Variants in NHSL3 observed in about 807,000 individuals in gnomAD.
The protein encoded by NHSL3 is NHS like 3.
the NHSL3 span, among the ~76,000 whole-genome samples, chr1:32,743,748 G>A: frequency 6.6e-6 from 1 of 152,204 alleles, no homozygotes; most frequent in African/African-American, 2.4e-5. Flanking sequence ...CAACAGCCTG[G>A]GTTTGGGTTC....
the NHSL3 span, among the ~76,000 whole-genome samples, chr1:32,742,393 T>TGAGGG: frequency 5.3e-4 from 80 of 152,270 alleles, no homozygotes; most frequent in African/African-American, 1.8e-3. Flanking sequence ...TGCCCCGCTG[T>TGAGGG]GAGGGGAGGG....
At chr1:32,769,931 G>A in the NHSL3 span, 6 of 1,607,638 alleles carry the variant, frequency 3.7e-6, no homozygotes, top group Non-Finnish European at 3.4e-6. Flanking sequence ...CCTGGTGCAC[G>A]GGATGCCGTA....
chr1:32,745,134 GA>G, the NHSL3 span, among the ~76,000 whole-genome samples: 14,902 of 136,372 alleles, frequency 0.11, 1,013 homozygotes, highest in Non-Finnish European at 0.15. Context: ...AAAAAAAAAA[GA>G]AAAAAAAAAG....
At chr1:32,744,464 C>T in the NHSL3 span, among the ~76,000 whole-genome samples, 4 of 152,112 alleles carry the variant, frequency 2.6e-5, no homozygotes, top group African/African-American at 7.2e-5. Context: ...TTTGACCAAA[C>T]GGATTTAAAC....
the NHSL3 span, chr1:32,768,023 C>T: frequency 6.2e-7 from 1 of 1,613,148 alleles, no homozygotes; most frequent in Non-Finnish European, 8.5e-7. Flanking sequence ...CTGTCAAGGT[C>T]AGGGGCCTAA....
the NHSL3 span, among the ~76,000 whole-genome samples, chr1:32,761,001 T>A: frequency 4.6e-5 from 7 of 152,184 alleles, no homozygotes; most frequent in Non-Finnish European, 8.8e-5. Flanking sequence ...AGCCCGCAGG[T>A]GTGCTTCCCG....
chr1:32,760,461 C>T, the NHSL3 span, among the ~76,000 whole-genome samples: 5 of 152,174 alleles, frequency 3.3e-5, no homozygotes, highest in Non-Finnish European at 7.4e-5. Flanking sequence ...TGAGTAGGGG[C>T]TACACACACC....
the NHSL3 span, chr1:32,741,994 G>A: frequency 3.3e-6 from 4 of 1,200,396 alleles, no homozygotes; most frequent in Admixed American, 4.4e-5. The surrounding 1 kb of genome is among the most constrained non-coding windows in gnomAD (Gnocchi z 4.3). Flanking sequence ...TGCGGCCGAG[G>A]AGCCGGGGAA....
the NHSL3 span, chr1:32,773,419 CCA>C: frequency 6.2e-6 from 1 of 161,522 alleles, no homozygotes; most frequent in Admixed American, 5.8e-5. Flanking sequence ...CCTGCCCAGT[CCA>C]GTTTACTCCT....
chr1:32,770,364 C>T, the NHSL3 span: 1 of 1,609,598 alleles, frequency 6.2e-7, no homozygotes, highest in Non-Finnish European at 8.5e-7. The surrounding 1 kb of genome is among the most constrained non-coding windows in gnomAD (Gnocchi z 8.3). Context: ...CGCTGGGGCG[C>T]TTCTCCTCCG....
At chr1:32,771,748 CAG>C in the NHSL3 span, 2 of 1,613,828 alleles carry the variant, frequency 1.2e-6, no homozygotes, top group Admixed American at 3.3e-5. Flanking sequence ...CAAGCTCCCT[CAG>C]AAGGAACCGG....
chr1:32,765,638 G>A, the NHSL3 span: 58 of 1,530,270 alleles, frequency 3.8e-5, no homozygotes, highest in Admixed American at 1.8e-4. Flanking sequence ...TCCTCTGTCT[G>A]GAGCCGGTGC....
At chr1:32,771,201 C>G in the NHSL3 span, 28 of 1,612,394 alleles carry the variant, frequency 1.7e-5, no homozygotes, top group Non-Finnish European at 2.4e-5. Context: ...CCCCACCTCC[C>G]TCCAAGCCCA....
the NHSL3 span, chr1:32,768,010 C>T: frequency 1.2e-6 from 2 of 1,612,572 alleles, no homozygotes; most frequent in Admixed American, 1.7e-5. Context: ...GCTGCACTGT[C>T]AGCTGTCAAG....
the NHSL3 span, chr1:32,765,615 C>T: frequency 6.6e-7 from 1 of 1,515,118 alleles, no homozygotes; most frequent in Non-Finnish European, 8.8e-7. Context: ...ACATGGAGAG[C>T]AGCCCCTCCC....
chr1:32,748,370 G>A, the NHSL3 span, among the ~76,000 whole-genome samples: 2 of 152,164 alleles, frequency 1.3e-5, no homozygotes, highest in Non-Finnish European at 2.9e-5. Context: ...AAGGGGCCTA[G>A]ATAGTTCCAA....
At chr1:32,757,891 G>A in the NHSL3 span, among the ~76,000 whole-genome samples, 12 of 152,180 alleles carry the variant, frequency 7.9e-5, no homozygotes, top group African/African-American at 2.2e-4. Context: ...GAAAGCCTGC[G>A]GCCCCGGCCC....
chr1:32,765,627 C>T, the NHSL3 span: 1 of 1,524,204 alleles, frequency 6.6e-7, no homozygotes, highest in Admixed American at 2.0e-5. Context: ...GCCCCTCCCC[C>T]TCCTCTGTCT....
the NHSL3 span, chr1:32,742,153 G>A: frequency 7.2e-6 from 9 of 1,244,586 alleles, no homozygotes; most frequent in East Asian, 3.2e-5. Context: ...CAAGAAGGCG[G>A]AGGACAAGGC....
Sources: allele counts gnomAD v4.1 joint callset (sites outside exome capture counted in the v4.1 genomes callset), GRCh38; gene constraint gnomAD v4.1.1; non-coding constraint Gnocchi (gnomAD v3.1); transcripts MANE v1.5; gene names NCBI Gene and HGNC (gene_info 2026-07-23, HGNC 2026-07-21).